The following TRPM2 variants were observed in gnomAD, a reference collection of about 807,000 sequenced individuals.
The protein encoded by TRPM2 is transient receptor potential cation channel subfamily M member 2.
In TRPM2, 161 loss-of-function variants were observed where a neutral mutation model predicts 174.0. The observed-to-expected ratio is 0.93, with a 90% CI of 0.81 to 1.05. The LOEUF (loss-of-function observed/expected upper bound fraction) is 1.05. Among genes scored for constraint, TRPM2 ranks in the 50% least tolerant of loss-of-function variants. The pLI, the probability that TRPM2 is intolerant of heterozygous loss-of-function variation, is 0.00. For synonymous variants in TRPM2, 954 were observed against 861.3 expected (o/e 1.11, Z -1.88); for missense variants, 2,057 against 2,038.0 (o/e 1.01, Z -0.18).
intron 8 of TRPM2, among the ~76,000 whole-genome samples, chr21:44,382,028 TAGAA>T (rs1428097986): frequency 2.7e-5 from 4 of 150,126 alleles, no homozygotes; most frequent in Admixed American, 6.6e-5. Flanking sequence ...GGGAGGTAGA[TAGAA>T]AGATAAGTGG....
At position 44,377,773 on chromosome 21, in the gene TRPM2, C is replaced by T. The variant is rs199716529; in HGVS notation, c.1014C>T (p.His338=). 1.5e-5 allele frequency: 25 copies of T among 1,613,954 alleles called. No homozygotes were observed. The highest frequency in any genetic ancestry group is 8.9e-5 in the East Asian group (4 of 44,888). The change falls in exon 7 of 32, where the codon CAC becomes CAT. Residue 338 remains histidine, a splice_region_variant and synonymous_variant. Coordinates refer to ENST00000397928, the MANE Select transcript of TRPM2 (RefSeq NM_003307.4). ...TGGAGGGCGGCCCGGGCACGTTGCA[C>T]GTGAGTATGGCCAGGTGGGAGGGGG... ...VVLEGGPGTL[H]TIDNATTNGT...
At chr21:44,377,337 C>T (rs904776190) in intron 6 of TRPM2, among the ~76,000 whole-genome samples, 7 of 152,328 alleles carry the variant, frequency 4.6e-5, no homozygotes, top group Middle Eastern at 3.4e-3. Context: ...GGGGCCTCAG[C>T]TCTGATTGTC....
intron 11 of TRPM2, among the ~76,000 whole-genome samples, chr21:44,394,686 T>C (rs1223180661): frequency 6.6e-6 from 1 of 152,084 alleles, no homozygotes; most frequent in African/African-American, 2.4e-5. Flanking sequence ...TTTAAGACAC[T>C]CAGTTGGAAT....
intron 3 of TRPM2, among the ~76,000 whole-genome samples, chr21:44,364,760 C>T (rs190737465): frequency 6.6e-5 from 10 of 152,282 alleles, no homozygotes; most frequent in Admixed American, 2.6e-4. Flanking sequence ...AGAGTCCTTG[C>T]GAGGAGTCTG....
At position 44,367,798 on chromosome 21, in the gene TRPM2, T is replaced by C. The variant is rs992609621; in HGVS notation, c.604+864T>C. Among the ~76,000 whole-genome samples the C allele has an allele frequency of 1.3e-5, 2 of 152,212 alleles. No homozygotes were observed. Among genetic ancestry groups the C allele is most frequent in the African/African-American group, 2.4e-5 (1 of 41,446 alleles). ...TGGCTCACAGAGTCCTCAGTTTCAT[T>C]GTCTGCCTGGTGAGCGTGAGGCACG... On this transcript the variant is annotated intron_variant, in intron 4 of 31. Transcript: ENST00000397928. The surrounding 1 kb of genome is among the most constrained non-coding windows in gnomAD (Gnocchi z 4.6).
In TRPM2 at chr21:44,397,051, T is replaced by TA. The variant is rs550819691; in HGVS notation, c.1933-696_1933-695insA. On this transcript the variant is annotated intron_variant, in intron 12 of 31. Transcript: ENST00000397928. ...TCTAGGCAGGAAAGGAATTTTTTTTTTTTTTGAGACGGAGTCTTGCTCTGT... is the reference window on the plus strand; with the variant it reads ...TCTAGGCAGGAAAGGAATTTTTTTTTATTTTTGAGACGGAGTCTTGCTCTGT... 2.0e-3 allele frequency among the ~76,000 whole-genome samples: 296 copies of TA among 151,508 alleles called. 1 individual carries two copies. The highest frequency in any genetic ancestry group is 6.9e-3 in the African/African-American group (283 of 41,294).
intron 19 of TRPM2, among the ~76,000 whole-genome samples, chr21:44,408,798 C>G (rs551028454): frequency 6.6e-6 from 1 of 151,854 alleles, no homozygotes; most frequent in Admixed American, 6.6e-5. Context: ...GCTGGGACTA[C>G]AGGCGCACGC....
chr21:44,397,926 C>T, intron 13 of TRPM2, 50 bp downstream of exon 13: 1 of 1,518,732 alleles, frequency 6.6e-7, no homozygotes, highest in Non-Finnish European at 8.9e-7. Context: ...CCGTGCATGC[C>T]CTCACCTGGA....
upstream of TRPM2, among the ~76,000 whole-genome samples, chr21:44,351,176 C>A (rs935346336): frequency 6.6e-6 from 1 of 152,220 alleles, no homozygotes; most frequent in African/African-American, 2.4e-5. Context: ...GGTGGGCACA[C>A]CAGGATCCTC....
intron 27 of TRPM2, among the ~76,000 whole-genome samples, chr21:44,429,405 A>C (rs2050950839): frequency 6.9e-6 from 1 of 145,470 alleles, no homozygotes; most frequent in Non-Finnish European, 1.5e-5. Flanking sequence ...CTCCTGCCTC[A>C]GCCTCCTGAG....
Position 44,440,774 on chromosome 21 carries a change from G to T in TRPM2, c.4270-15G>T. The T allele has an allele frequency of 6.2e-7, 1 of 1,611,278 alleles. No individual in the cohort carries two copies. The highest frequency in any genetic ancestry group is 1.1e-5 in the South Asian group (1 of 91,010). On this transcript the variant is annotated splice_polypyrimidine_tract_variant and intron_variant, in intron 30 of 31. Transcript: ENST00000397928. ...TGTCCCTCGCTGTCGGGCTTACCCT[G>T]CCCTGCCCATCCAGGTGTACAAAGG... is the stretch of plus-strand genomic sequence containing the variant.
intron 8 of TRPM2, among the ~76,000 whole-genome samples, chr21:44,382,325 GGATA>G (rs1187050879): frequency 2.0e-5 from 3 of 152,200 alleles, no homozygotes; most frequent in African/African-American, 4.8e-5. Flanking sequence ...ATGCATAGAT[GGATA>G]GATAGATAGA....
In TRPM2 at chr21:44,362,348, C is replaced by CAAAAAAAAAAAA. The variant is rs57031573; in HGVS notation, c.255-1760_255-1749dup. ...TGAAACCCCGTCTCTACTAAAAATA[C>CAAAAAAAAAAAA]AAAAAAAAAAAAAAAAAGCCAGATG... On this transcript the variant is annotated intron_variant, in intron 2 of 31. Transcript: ENST00000397928. 5.5e-4 allele frequency among the ~76,000 whole-genome samples: 49 copies of CAAAAAAAAAAAA among 89,238 alleles called. 3 individuals carry two copies. The highest frequency in any genetic ancestry group is 1.1e-3 in the South Asian group (3 of 2,800). The allele number at this position is 89,238 out of a possible 152,430, so 58.5% of individuals were successfully genotyped here.
At chr21:44,419,665 GTGATGA>G (rs76591121) in intron 22 of TRPM2, among the ~76,000 whole-genome samples, 1 of 146,152 alleles carries the variant, frequency 6.8e-6, no homozygotes, top group African/African-American at 2.6e-5. Flanking sequence ...GGTAGTGATG[GTGATGA>G]TGATGGTGAT....
chr21:44,370,928 C>T (rs1405710024), intron 5 of TRPM2, among the ~76,000 whole-genome samples: 2 of 152,182 alleles, frequency 1.3e-5, no homozygotes, highest in South Asian at 2.1e-4. Context: ...CGCTCAGCCA[C>T]GCTCCCTCTC....
intron 6 of TRPM2, 35 bp from the exon 7 acceptor site, chr21:44,377,677 G>A: frequency 1.2e-6 from 2 of 1,613,444 alleles, no homozygotes; most frequent in Non-Finnish European, 1.7e-6. Flanking sequence ...GCTTTGTTTA[G>A]GTGTGGCCCT....
intron 2 of TRPM2, among the ~76,000 whole-genome samples, chr21:44,359,743 G>GTATA (rs749462922): frequency 1.1e-4 from 14 of 131,806 alleles, no homozygotes; most frequent in African/African-American, 3.8e-4. Context: ...ACATATATAT[G>GTATA]TATATATATA....
In TRPM2 at chr21:44,399,184, G is replaced by A. The variant is rs1476824213; in HGVS notation, c.2063-112G>A. The stretch of plus-strand genomic sequence containing the variant: ...GACACCAGCCCCACATTTGCCCTGT[G>A]CCCTTCCCTGTGTCCTGGTGGTGCT... On this transcript the variant is annotated intron_variant, in intron 13 of 31. Transcript: ENST00000397928. The surrounding 1 kb of genome is among the most constrained non-coding windows in gnomAD (Gnocchi z 4.6). The A allele has an allele frequency of 5.9e-5, 83 of 1,402,700 alleles. No homozygotes were observed. The highest frequency in any genetic ancestry group is 7.6e-5 in the Non-Finnish European group (80 of 1,045,858). 86.9% of individuals were successfully genotyped at this position (1,402,700 alleles called of 1,614,324 possible). A position where few individuals can be genotyped will look rare whatever the true frequency, so the allele number is the denominator to read the frequency against.
Position 44,425,804 on chromosome 21 carries a change from C to T in TRPM2, c.3772C>T (p.Pro1258Ser). ...CTGCCCTGTCACGCGCTTCCCCGTG[C>T]CCAACGAGAAGGTGCCCTGGGAGGT... ...PNCPVTRFPV[P>S]NEKVPWETEF... is the part of the protein sequence containing the mutation. Residue 1258 changes from proline (P) to serine (S), a missense_variant, in exon 25 of 32, where the codon CCC becomes TCC. Coordinates refer to ENST00000397928, the MANE Select transcript of TRPM2 (RefSeq NM_003307.4). The T allele has an allele frequency of 6.3e-7, 1 of 1,579,098 alleles. No homozygotes were observed. Among genetic ancestry groups the T allele is most frequent in the Non-Finnish European group, 8.7e-7 (1 of 1,154,710 alleles).
Sources: gnomAD v4.1 joint callset for allele counts (sites outside exome capture counted in the v4.1 genomes callset) on GRCh38, gnomAD v4.1.1 for gene constraint, Gnocchi (gnomAD v3.1) non-coding constraint, MANE v1.5 for transcripts, NCBI Gene and HGNC (gene_info 2026-07-23, HGNC 2026-07-21) for gene names.